The following CYP4F2 variants were observed in gnomAD, a reference collection of about 807,000 sequenced individuals.
CYP4F2 encodes cytochrome P450 family 4 subfamily F member 2, also known as cytochrome P450 4F2.
A neutral mutation model predicts 58.9 loss-of-function variants in CYP4F2; 58 were observed. The observed-to-expected ratio is 0.98, with a 90% CI of 0.80 to 1.23. CYP4F2 has a LOEUF of 1.23. Among genes scored for constraint, CYP4F2 ranks in the 50% most tolerant of loss-of-function variants. The pLI is 0.00. For synonymous variants in CYP4F2, 287 were observed against 261.1 expected (o/e 1.10, Z -0.95); for missense variants, 616 against 685.6 (o/e 0.90, Z 1.13).
chr19:15,895,762 T>C, intron 2 of CYP4F2, 112 bp from the exon 3 acceptor site: 1 of 1,337,860 alleles, frequency 7.5e-7, no homozygotes, highest in Non-Finnish European at 1.0e-6. Flanking sequence ...TGGGTGTGTC[T>C]AATCTATTCA....
chr19:15,890,571 GTTA>G, intron 5 of CYP4F2, 138 bp from the exon 6 acceptor site: 1 of 1,356,450 alleles, frequency 7.4e-7, no homozygotes, highest in South Asian at 1.5e-5. Context: ...GGAGCACCAG[GTTA>G]TGGTGCAAAC....
chr19:15,878,891 G>A lies in CYP4F2; in HGVS notation c.1443C>T (p.Val481=), dbSNP rs368748953. 1.1e-5 allele frequency: 18 copies of A among 1,614,048 alleles called. No homozygotes were observed. In the African/African-American group the frequency reaches 2.3e-4, roughly 20 times the overall value. The change falls in exon 13 of 13, where the codon GTC becomes GTT. Residue 481 remains valine (V), a synonymous_variant. Transcript: ENST00000221700. ...QTFAMAEMKV[V]LALTLLRFRV... ...GGAAGCGCAGCAGCGTGAGCGCCAG[G>A]ACCACCTTCATCTCCGCCATCGCGA...
In CYP4F2 at chr19:15,892,516, T is replaced by C. The variant is rs763395421; in HGVS notation, c.397+13A>G. The C allele has an allele frequency of 6.2e-7, 1 of 1,614,112 alleles. No homozygotes were observed. The highest frequency in any genetic ancestry group is 1.7e-5 in the Admixed American group (1 of 60,014). ...AACGTTTTTCCCAACCCTGTTCACCTGCAGATACTCACCCAGCCAGGGCTC... is the reference window on the plus strand; with the variant it reads ...AACGTTTTTCCCAACCCTGTTCACCCGCAGATACTCACCCAGCCAGGGCTC... On this transcript the variant is annotated intron_variant, in intron 4 of 12. Coordinates refer to ENST00000221700, the MANE Select transcript of CYP4F2 (RefSeq NM_001082.5).
chr19:15,886,232 G>T lies in CYP4F2; in HGVS notation c.985+10C>A, dbSNP rs1488395302. The stretch of plus-strand genomic sequence containing the variant: ...CGGTCCCCTCTCTAGCCCCACACTG[G>T]GGCCCTCACCCTCAAACATAAAGGT... On this transcript the variant is annotated intron_variant, in intron 8 of 12. Transcript: ENST00000221700. 1 of 1,614,012 alleles carries T rather than the reference G, an allele frequency of 6.2e-7. No homozygotes were observed. Among genetic ancestry groups the T allele is most frequent in the East Asian group, 2.2e-5 (1 of 44,856 alleles).
chr19:15,895,348 G>A (rs971067341), intron 3 of CYP4F2, among the ~76,000 whole-genome samples, 158 bp downstream of exon 3: 27 of 152,168 alleles, frequency 1.8e-4, no homozygotes, highest in African/African-American at 6.5e-4. Context: ...GAGAGGAGAC[G>A]CTGAGATGGA....
intron 9 of CYP4F2, among the ~76,000 whole-genome samples, chr19:15,884,465 ATAGT>A (rs1272792449): frequency 9.2e-5 from 14 of 152,206 alleles, no homozygotes; most frequent in East Asian, 1.9e-4. Context: ...ATATTCCTAA[ATAGT>A]TAGCTTATGT....
chr19:15,892,269 C>A (rs1399991210), intron 5 of CYP4F2, 40 bp downstream of exon 5: 1 of 1,613,148 alleles, frequency 6.2e-7, no homozygotes, highest in Admixed American at 1.7e-5. Context: ...GTCCTTTCAC[C>A]CCAAGGCTGC....
chr19:15,893,911 T>C (rs565977825), intron 3 of CYP4F2: 3 of 255,674 alleles, frequency 1.2e-5, no homozygotes, highest in African/African-American at 4.6e-5. Context: ...ACCCAATTCA[T>C]GCTCTCCTAG....
intron 8 of CYP4F2, 49 bp from the exon 9 acceptor site, chr19:15,886,102 G>T: frequency 1.2e-6 from 2 of 1,606,900 alleles, no homozygotes; most frequent in Non-Finnish European, 8.5e-7. Flanking sequence ...TTCAGCACCC[G>T]AAGGTAGACA....
chr19:15,892,651 G>A, intron 3 of CYP4F2, 69 bp from the exon 4 acceptor site: 1 of 1,578,326 alleles, frequency 6.3e-7, no homozygotes, highest in Non-Finnish European at 8.6e-7. Context: ...GTGGGTGGAG[G>A]CTCCCAGCAA....
At chr19:15,884,649 G>A (rs1015565316) in intron 9 of CYP4F2, among the ~76,000 whole-genome samples, 1 of 152,174 alleles carries the variant, frequency 6.6e-6, no homozygotes, top group Non-Finnish European at 1.5e-5. Flanking sequence ...TAAAAATGCA[G>A]AAAAATTATT....
chr19:15,895,430 G>A lies in CYP4F2; in HGVS notation c.343+76C>T, dbSNP rs557095654. 51 of 1,440,468 alleles carry A rather than the reference G, an allele frequency of 3.5e-5. No individual in the cohort carries two copies. In the South Asian group the frequency reaches 7.7e-4, roughly 22 times the overall value. 89.2% of individuals were successfully genotyped at this position (1,440,468 alleles called of 1,614,324 possible). On this transcript the variant is annotated intron_variant, in intron 3 of 12. Coordinates refer to ENST00000221700, the MANE Select transcript of CYP4F2 (RefSeq NM_001082.5). ...GAAAGGAGAGGCCAGAGTACTGCAG[G>A]GCCCACACAGGAGCTTGGGGATAGC...
At chr19:15,892,695 T>G in intron 3 of CYP4F2, 113 bp from the exon 4 acceptor site, 1 of 1,489,002 alleles carries the variant, frequency 6.7e-7, no homozygotes. Flanking sequence ...GAGCCCCACA[T>G]AGCAGGAAGA....
At chr19:15,891,207 A>G (rs1406437314) in intron 5 of CYP4F2, among the ~76,000 whole-genome samples, 1 of 152,160 alleles carries the variant, frequency 6.6e-6, no homozygotes, top group Non-Finnish European at 1.5e-5. Context: ...TTTGCTTTCT[A>G]TAAAAGCAGA....
intron 7 of CYP4F2, among the ~76,000 whole-genome samples, chr19:15,887,601 G>C (rs555622790): frequency 1.2e-4 from 18 of 151,140 alleles, no homozygotes; most frequent in African/African-American, 4.4e-4. Flanking sequence ...CACAGATATA[G>C]ACACAGACAC....
intron 9 of CYP4F2, among the ~76,000 whole-genome samples, chr19:15,880,469 A>G (rs1236236659): frequency 6.6e-6 from 1 of 152,130 alleles, no homozygotes; most frequent in Non-Finnish European, 1.5e-5. Context: ...TCTACTAAAA[A>G]TACAAAAACT....
intron 2 of CYP4F2, 79 bp downstream of exon 2, chr19:15,897,326 CACCCCTTCA>C: frequency 4.2e-6 from 5 of 1,197,284 alleles, no homozygotes; most frequent in East Asian, 2.7e-5. Flanking sequence ...GATCCCAGCC[CACCCCTTCA>C]CCCCCACTCC....
intron 2 of CYP4F2, 71 bp downstream of exon 2, chr19:15,897,330 CCTTCACCCCCACT>C: frequency 1.6e-6 from 2 of 1,250,490 alleles, no homozygotes; most frequent in Non-Finnish European, 2.3e-6. Context: ...CCAGCCCACC[CCTTCACCCCCACT>C]CCCTAAGCCT....
rs1353745423 is a variant in CYP4F2 at position 15,878,716 on chromosome 19, A to G, written c.*55T>C. 1.0e-5 allele frequency: 16 copies of G among 1,601,760 alleles called. No homozygotes were observed. The highest frequency in any genetic ancestry group is 1.4e-5 in the Non-Finnish European group (16 of 1,173,040). On this transcript the variant is annotated 3_prime_UTR_variant, in exon 13 of 13. Transcript: ENST00000221700. ...GGGTCTTAGGGTAATTCTAGGCTTC[A>G]CTTTTGATGAATCAGGGGTCATTTT...
Sources: allele counts gnomAD v4.1 joint callset (sites outside exome capture counted in the v4.1 genomes callset), GRCh38; gene constraint gnomAD v4.1.1; transcripts MANE v1.5; gene names NCBI Gene and HGNC (gene_info 2026-07-23, HGNC 2026-07-21).